The following TRPC5 variants were observed in gnomAD, a reference collection of about 807,000 sequenced individuals.
TRPC5 encodes the protein transient receptor potential cation channel subfamily C member 5.
A neutral mutation model predicts 56.5 loss-of-function variants in TRPC5; 9 were observed. That is an observed-to-expected ratio of 0.16 (90% confidence interval 0.10 to 0.28). TRPC5 has a LOEUF of 0.28. Among genes scored for constraint, TRPC5 ranks in the 10% least tolerant of loss-of-function variants. TRPC5 has a pLI of 1.00. For missense variants in TRPC5, 469 were observed against 748.9 expected, an observed-to-expected ratio of 0.63 and a Z score of 4.36; for synonymous variants, 282 against 278.5, an observed-to-expected ratio of 1.01 and a Z score of -0.13.
intron 3 of TRPC5, among the ~76,000 whole-genome samples, chrX:111,895,204 G>T (rs1925006926): frequency 9.0e-6 from 1 of 111,460 alleles, no homozygotes; most frequent in African/African-American, 3.3e-5. Flanking sequence ...GGTATTGTCA[G>T]TCTTTTTCAT....
intron 1 of TRPC5, among the ~76,000 whole-genome samples, chrX:111,981,017 G>A (rs1481509252): frequency 9.3e-6 from 1 of 107,714 alleles, no homozygotes; most frequent in Non-Finnish European, 1.9e-5. Flanking sequence ...CTATCTATGT[G>A]TATGTATGTA....
At chrX:111,817,545 C>T (rs758623743) in intron 7 of TRPC5, among the ~76,000 whole-genome samples, 4 of 109,834 alleles carry the variant, frequency 3.6e-5, no homozygotes, top group Admixed American at 1.9e-4. Flanking sequence ...AGGCTGGTCT[C>T]GAACTCCTGA....
intron 3 of TRPC5, chrX:111,903,614 G>C (rs1037584723): frequency 8.9e-6 from 1 of 112,287 alleles, no homozygotes; most frequent in Non-Finnish European, 1.9e-5. Context: ...TCCTCCAGGA[G>C]AATGGAGTGA....
At chrX:111,807,167 A>G (rs1276226699) in intron 7 of TRPC5, among the ~76,000 whole-genome samples, 1 of 111,360 alleles carries the variant, frequency 9.0e-6, no homozygotes, top group Non-Finnish European at 1.9e-5. Flanking sequence ...TTCAACCCCC[A>G]TCTCTTTCTC....
At position 112,007,624 on chromosome X, in the gene TRPC5, A is replaced by G. The variant is rs16986732; in HGVS notation, c.-21-55183T>C. Among the ~76,000 whole-genome samples the G allele has an allele frequency of 3.7e-3, 410 of 111,505 alleles. 2 individuals are homozygous for G. Among genetic ancestry groups the G allele is most frequent in the African/African-American group, 0.013 (388 of 30,642 alleles). On this transcript the variant is annotated intron_variant, in intron 1 of 10. Transcript: ENST00000262839. The stretch of plus-strand genomic sequence containing the variant: ...ACACTGTGGTAGGCCGGCATAACAG[A>G]GTCATTCATTACCTTGACTTCTAGT...
rs902791845 is a variant in TRPC5 at position 111,951,795 on chromosome X, T to A, written c.378+248A>T. On this transcript the variant is annotated intron_variant, in intron 2 of 10. Coordinates refer to ENST00000262839, the MANE Select transcript of TRPC5 (RefSeq NM_012471.3). ...TAGTCTGGAAACAAAGAACACATCA[T>A]TGGGTTGCTAAGTACATTCAGTGAG... 3.6e-5 allele frequency among the ~76,000 whole-genome samples: 4 copies of A among 111,878 alleles called. No individual in the cohort carries two copies. The East Asian group carries it at 1.1e-3, about 32-fold the overall frequency.
At chrX:111,904,629 G>A (rs1925522180) in intron 3 of TRPC5, among the ~76,000 whole-genome samples, 1 of 110,385 alleles carries the variant, frequency 9.1e-6, no homozygotes, top group African/African-American at 3.3e-5. Flanking sequence ...GCTGGGGCCT[G>A]TTGGGGGCTG....
At chrX:112,027,983 G>A (rs982459910) in intron 1 of TRPC5, among the ~76,000 whole-genome samples, 1 of 112,160 alleles carries the variant, frequency 8.9e-6, no homozygotes, top group African/African-American at 3.2e-5. Context: ...AAGAATGTAT[G>A]GGATCTCTAT....
At chrX:111,872,424 A>T (rs1204429514) in intron 3 of TRPC5, among the ~76,000 whole-genome samples, 1 of 112,066 alleles carries the variant, frequency 8.9e-6, no homozygotes, top group African/African-American at 3.2e-5. Flanking sequence ...TATGGTCCTC[A>T]TTGTATAGTC....
intron 1 of TRPC5, among the ~76,000 whole-genome samples, chrX:111,961,769 T>C (rs1927387794): frequency 8.9e-6 from 1 of 112,207 alleles, no homozygotes; most frequent in African/African-American, 3.2e-5. Flanking sequence ...TCTCAACACA[T>C]ACTGCTGAAC....
chrX:111,952,773 T>C (rs1480774405), intron 1 of TRPC5, among the ~76,000 whole-genome samples: 3 of 111,485 alleles, frequency 2.7e-5, no homozygotes, highest in African/African-American at 9.8e-5. Context: ...AGTGACTGCT[T>C]ACTGTGTGCC....
At chrX:111,997,136 C>A (rs1603137437) in intron 1 of TRPC5, among the ~76,000 whole-genome samples, 2 of 111,592 alleles carry the variant, frequency 1.8e-5, no homozygotes, top group African/African-American at 6.5e-5. Flanking sequence ...GTGGCTGGTA[C>A]CGGTTGTTTC....
intron 1 of TRPC5, among the ~76,000 whole-genome samples, chrX:112,042,084 G>C (rs1929906693): frequency 8.9e-6 from 1 of 111,960 alleles, no homozygotes; most frequent in African/African-American, 3.2e-5. Context: ...TGGGAAGCTG[G>C]AGTGTTAAGG....
At chrX:111,875,885 G>A (rs1218029173) in intron 3 of TRPC5, among the ~76,000 whole-genome samples, 1 of 109,555 alleles carries the variant, frequency 9.1e-6, no homozygotes, top group Non-Finnish European at 1.9e-5. Flanking sequence ...AACAAAGAAG[G>A]GATGTGTTTT....
chrX:112,070,544 G>A (rs1438275502), intron 1 of TRPC5, among the ~76,000 whole-genome samples: 2 of 110,805 alleles, frequency 1.8e-5, no homozygotes. Context: ...CCCACCCCAC[G>A]TAAAATCTTA....
chrX:112,016,360 AGTGTGT>A (rs113555140), intron 1 of TRPC5, among the ~76,000 whole-genome samples: 1 of 102,844 alleles, frequency 9.7e-6, no homozygotes, highest in Non-Finnish European at 2.0e-5. Flanking sequence ...GGAAGGTTGG[AGTGTGT>A]GTGTGTGTGT....
intron 1 of TRPC5, among the ~76,000 whole-genome samples, chrX:111,999,693 C>T (rs1287366690): frequency 2.7e-5 from 3 of 112,126 alleles, no homozygotes; most frequent in Non-Finnish European, 3.8e-5. Context: ...TGGCCAGGCA[C>T]GGTGGCTCAC....
At chrX:112,043,620 T>A (rs1173657763) in intron 1 of TRPC5, among the ~76,000 whole-genome samples, 1 of 105,113 alleles carries the variant, frequency 9.5e-6, no homozygotes, top group Non-Finnish European at 2.0e-5. Flanking sequence ...CACTGCTGTT[T>A]GATAGTTTCT....
At chrX:111,980,925 AC>A (rs1928064446) in intron 1 of TRPC5, among the ~76,000 whole-genome samples, 3 of 72,260 alleles carry the variant, frequency 4.2e-5, no homozygotes, top group African/African-American at 2.2e-4. Context: ...ATATATATAT[AC>A]ACACACACAC....
Sources: gnomAD v4.1 joint callset for allele counts (sites outside exome capture counted in the v4.1 genomes callset) on GRCh38, gnomAD v4.1.1 for gene constraint, MANE v1.5 for transcripts, NCBI Gene and HGNC (gene_info 2026-07-23, HGNC 2026-07-21) for gene names.